HS3ST4: variants seen among roughly 807,000 people sequenced by gnomAD.
The protein encoded by HS3ST4 is heparan sulfate glucosamine 3-O-sulfotransferase 4.
A neutral mutation model predicts 29.2 loss-of-function variants in HS3ST4; 17 were observed. That is an observed-to-expected ratio of 0.58 (90% confidence interval 0.40 to 0.87). The LOEUF (loss-of-function observed/expected upper bound fraction) is 0.87, where lower values mean the gene tolerates loss of function less well. HS3ST4 is among the 40% of genes least tolerant of loss of function. HS3ST4 has a pLI of 0.00. For synonymous variants in HS3ST4, 314 were observed against 285.7 expected (o/e 1.10, Z -1.00); for missense variants, 627 against 634.5 (o/e 0.99, Z 0.13).
chr16:25,701,858 G>A (rs9922960), intron 1 of HS3ST4, among the ~76,000 whole-genome samples: 2,798 of 152,226 alleles, frequency 0.018, 70 homozygotes, highest in African/African-American at 0.058. Context: ...ATGGAAGGAT[G>A]GTTCAATCTT....
In HS3ST4 at chr16:25,822,736, CT is replaced by C. The variant is rs113992567; in HGVS notation, c.734+129596del. Among the ~76,000 whole-genome samples the C allele has an allele frequency of 1.0e-3, 148 of 145,742 alleles. 2 individuals carry two copies. The highest frequency in any genetic ancestry group is 3.0e-3 in the East Asian group (15 of 4,982). On this transcript the variant is annotated intron_variant, in intron 1 of 1. Transcript: ENST00000331351. ...TGAGGTGTGTGTTCCCCCAGGATTA[CT>C]TTTTTTTTTTGTTCTTTTGAGACAG...
At chr16:25,698,985 C>T (rs1966317326) in intron 1 of HS3ST4, among the ~76,000 whole-genome samples, 1 of 152,194 alleles carries the variant, frequency 6.6e-6, no homozygotes, top group African/African-American at 2.4e-5. Flanking sequence ...GTTATGAGAT[C>T]TTCCACTGTG....
chr16:26,054,178 G>A (rs1428205571), intron 1 of HS3ST4, among the ~76,000 whole-genome samples: 1 of 151,920 alleles, frequency 6.6e-6, no homozygotes, highest in Non-Finnish European at 1.5e-5. Flanking sequence ...TATCTCCTCA[G>A]GGTATAAACA....
intron 1 of HS3ST4, among the ~76,000 whole-genome samples, chr16:26,008,092 A>G (rs75330607): frequency 6.6e-6 from 1 of 152,332 alleles, no homozygotes; most frequent in East Asian, 1.9e-4. Context: ...CATCAGGCAG[A>G]TTAACAAGAG....
At chr16:25,896,311 T>C (rs1968064253) in intron 1 of HS3ST4, among the ~76,000 whole-genome samples, 1 of 152,136 alleles carries the variant, frequency 6.6e-6, no homozygotes, top group Non-Finnish European at 1.5e-5. Flanking sequence ...CCTTTAGGCT[T>C]CCTCAAATAT....
intron 1 of HS3ST4, among the ~76,000 whole-genome samples, chr16:26,091,966 A>G (rs1293679509): frequency 6.6e-6 from 1 of 152,230 alleles, no homozygotes; most frequent in African/African-American, 2.4e-5. Context: ...TGACTTCTGC[A>G]GGAGGATCAC....
chr16:25,778,895 A>T (rs1169304349), intron 1 of HS3ST4, among the ~76,000 whole-genome samples: 1 of 152,186 alleles, frequency 6.6e-6, no homozygotes. Context: ...CAACGATTGC[A>T]AATCAAATCT....
At chr16:25,865,332 T>C (rs1967683167) in intron 1 of HS3ST4, among the ~76,000 whole-genome samples, 3 of 152,216 alleles carry the variant, frequency 2.0e-5, no homozygotes, top group African/African-American at 4.8e-5. Context: ...ACCTTTTTGG[T>C]AATAGTAGCC....
intron 1 of HS3ST4, among the ~76,000 whole-genome samples, chr16:25,735,860 T>C (rs1346034790): frequency 2.6e-5 from 4 of 152,054 alleles, no homozygotes; most frequent in African/African-American, 9.7e-5. Flanking sequence ...AGCTAGGGGG[T>C]GGCATCAGCC....
At chr16:25,737,359 C>T (rs959896688) in intron 1 of HS3ST4, among the ~76,000 whole-genome samples, 1 of 36,654 alleles carries the variant, frequency 2.7e-5, no homozygotes, top group African/African-American at 1.4e-4. Flanking sequence ...TTTAAGTGAC[C>T]CCCCCCACAC....
chr16:25,705,998 A>C (rs1966373391), intron 1 of HS3ST4, among the ~76,000 whole-genome samples: 1 of 152,240 alleles, frequency 6.6e-6, no homozygotes, highest in African/African-American at 2.4e-5. Context: ...CCTGAAATAC[A>C]GGACAAGCAC....
At chr16:25,738,888 G>T (rs1274325072) in intron 1 of HS3ST4, among the ~76,000 whole-genome samples, 1 of 152,102 alleles carries the variant, frequency 6.6e-6, no homozygotes, top group Non-Finnish European at 1.5e-5. Flanking sequence ...TTCCAGCTTT[G>T]TTCTTGCTCA....
chr16:25,873,824 G>C (rs11649555), intron 1 of HS3ST4, among the ~76,000 whole-genome samples: 96,152 of 151,722 alleles, frequency 0.63, 31,370 homozygotes, highest in East Asian at 0.96. Flanking sequence ...TTCCATCCAT[G>C]CATCCATCCA....
intron 1 of HS3ST4, among the ~76,000 whole-genome samples, chr16:25,875,785 T>G (rs1300535378): frequency 1.3e-5 from 2 of 152,112 alleles, no homozygotes; most frequent in African/African-American, 4.8e-5. Flanking sequence ...ATACAGTCTG[T>G]GAAGATTATT....
chr16:25,831,396 T>TACAC (rs58851793), intron 1 of HS3ST4, among the ~76,000 whole-genome samples: 23,137 of 125,670 alleles, frequency 0.18, 2,296 homozygotes, highest in Non-Finnish European at 0.21. Flanking sequence ...ACCCCGTCTC[T>TACAC]ACACACACAC....
chr16:25,855,317 C>T (rs1967564843), intron 1 of HS3ST4, among the ~76,000 whole-genome samples: 1 of 152,078 alleles, frequency 6.6e-6, no homozygotes, highest in African/African-American at 2.4e-5. Flanking sequence ...GTAAATGTCT[C>T]CTTTTGGACT....
At chr16:25,864,262 A>G (rs1235983685) in intron 1 of HS3ST4, among the ~76,000 whole-genome samples, 3 of 152,250 alleles carry the variant, frequency 2.0e-5, no homozygotes, top group Non-Finnish European at 2.9e-5. Flanking sequence ...AAATTATTAA[A>G]TCAAGTTAGT....
At chr16:25,979,127 C>T (rs1968976422) in intron 1 of HS3ST4, among the ~76,000 whole-genome samples, 1 of 152,006 alleles carries the variant, frequency 6.6e-6, no homozygotes, top group Non-Finnish European at 1.5e-5. Context: ...GAACTCCGGA[C>T]CTCAGGTGAT....
At position 25,783,471 on chromosome 16, in the gene HS3ST4, GT is replaced by G. The variant is rs34694041; in HGVS notation, c.734+90333del. On this transcript the variant is annotated intron_variant, in intron 1 of 1. Transcript: ENST00000331351. Reference sequence around the variant, plus strand: ...AGTTGTGGTAATCAAGCCAATTCTAGTTTTTTTTTTTTTCTGCCAGTGGCAT... The same window carrying G: ...AGTTGTGGTAATCAAGCCAATTCTAGTTTTTTTTTTTTCTGCCAGTGGCAT... Among the ~76,000 whole-genome samples, 183 of 146,412 alleles carry G rather than the reference GT, an allele frequency of 1.2e-3. 3 individuals are homozygous for G. Among genetic ancestry groups the G allele is most frequent in the African/African-American group, 3.2e-3 (129 of 39,882 alleles).
Sources: gnomAD v4.1 joint callset for allele counts (sites outside exome capture counted in the v4.1 genomes callset) on GRCh38, gnomAD v4.1.1 for gene constraint, MANE v1.5 for transcripts, NCBI Gene and HGNC (gene_info 2026-07-23, HGNC 2026-07-21) for gene names.